EDEM2: variants seen among roughly 807,000 people sequenced by gnomAD.
EDEM2 encodes ER degradation-enhancing alpha-mannosidase-like protein 2.
A neutral mutation model predicts 64.8 loss-of-function variants in EDEM2; 39 were observed. That is an observed-to-expected ratio of 0.60 (90% confidence interval 0.47 to 0.79). The LOEUF (loss-of-function observed/expected upper bound fraction) is 0.79. Ranked by LOEUF, EDEM2 falls within the 30% of genes least tolerant of loss-of-function variation. The pLI, the probability that EDEM2 is intolerant of heterozygous loss-of-function variation, is 0.00. For synonymous variants in EDEM2, 296 were observed against 291.5 expected, an observed-to-expected ratio of 1.02 and a Z score of -0.16; for missense variants, 609 against 731.3, an observed-to-expected ratio of 0.83 and a Z score of 1.93.
intron 4 of EDEM2, among the ~76,000 whole-genome samples, chr20:35,140,887 T>TG (rs370140037): frequency 9.5e-4 from 144 of 151,904 alleles, no homozygotes; most frequent in Middle Eastern, 6.8e-3. Flanking sequence ...GGGAGGCTGA[T>TG]GGGGGGCGGA....
intron 10 of EDEM2, chr20:35,118,393 A>G: frequency 3.0e-6 from 2 of 662,014 alleles, no homozygotes; most frequent in East Asian, 6.8e-5. Context: ...TTCTAGCTCT[A>G]CCTCTACTAG....
chr20:35,145,513 G>A (rs1039328385), intron 2 of EDEM2, among the ~76,000 whole-genome samples: 3 of 152,190 alleles, frequency 2.0e-5, no homozygotes, highest in African/African-American at 4.8e-5. Flanking sequence ...ATGTGCTGAT[G>A]GAAAGACATT....
chr20:35,118,594 T>C lies in EDEM2; in HGVS notation c.1236+4A>G, dbSNP rs2085334698. ...CCAGTTCTTGGGGCCATGCAAACAC[T>C]TACTGTTGCAAATCCGCACTCCACC... On this transcript the variant is annotated splice_donor_region_variant and intron_variant, in intron 10 of 10. Transcript: ENST00000374492. The C allele has an allele frequency of 6.2e-7, 1 of 1,614,032 alleles. No individual in the cohort carries two copies. Among genetic ancestry groups the C allele is most frequent in the Non-Finnish European group, 8.5e-7 (1 of 1,179,910 alleles).
chr20:35,123,972 C>T lies in EDEM2; in HGVS notation c.1032G>A (p.Lys344=). 1 of 1,614,214 alleles carries T rather than the reference C, an allele frequency of 6.2e-7. No individual in the cohort carries two copies. The highest frequency in any genetic ancestry group is 8.5e-7 in the Non-Finnish European group (1 of 1,180,026). Residue 344 remains lysine (K), a synonymous_variant, in exon 9 of 11, where the codon AAG becomes AAA. Coordinates refer to ENST00000374492, the MANE Select transcript of EDEM2 (RefSeq NM_018217.3). Reference sequence around the variant, plus strand: ...AGAATTCCGGGAGCCCCCCAAACTGCTTCCATACAGTGTAGTAGTTGAGGA... The same window carrying T: ...AGAATTCCGGGAGCCCCCCAAACTGTTTCCATACAGTGTAGTAGTTGAGGA... ...RTFLNYYTVW[K]QFGGLPEFYN... is the part of the protein sequence containing the mutation.
At chr20:35,133,173 T>C (rs1185352475) in intron 6 of EDEM2, among the ~76,000 whole-genome samples, 2 of 152,014 alleles carry the variant, frequency 1.3e-5, no homozygotes, top group African/African-American at 4.8e-5. Flanking sequence ...GGAACTGGAA[T>C]GTTTATCCAC....
chr20:35,115,458 C>A lies in EDEM2; in HGVS notation c.1712G>T (p.Gly571Val). 1 of 1,612,998 alleles carries A rather than the reference C, an allele frequency of 6.2e-7. No individual in the cohort carries two copies. The highest frequency in any genetic ancestry group is 8.5e-7 in the Non-Finnish European group (1 of 1,179,844). The change falls in exon 11 of 11, where the codon GGA becomes GTA. Residue 571 changes from glycine (G) to valine (V), a missense_variant. Transcript: ENST00000374492. ...QPFTSKLALL[G>V]QVFLDSS is the part of the protein sequence containing the mutation. ...TTATGAGGAGTCTAGGAAAACCTGT[C>A]CCAGTAATGCCAACTTGGAGGTGAA...
rs1359414091 is a variant in EDEM2, at chr20:35,147,265, C to G, written c.-7G>C. Reference sequence around the variant, plus strand: ...TGAGCAGCCGGAAAGGCATAGAGCTCGTGTCCTCTCAGCGCCCCCGCAGCA... The same window carrying G: ...TGAGCAGCCGGAAAGGCATAGAGCTGGTGTCCTCTCAGCGCCCCCGCAGCA... On this transcript the variant is annotated 5_prime_UTR_variant, in exon 1 of 11. Transcript: ENST00000374492. 2.0e-6 allele frequency: 3 copies of G among 1,537,422 alleles called. No homozygotes were observed. Among genetic ancestry groups the G allele is most frequent in the Non-Finnish European group, 8.8e-7 (1 of 1,138,672 alleles).
chr20:35,127,457 C>A (rs1239441080), intron 7 of EDEM2, among the ~76,000 whole-genome samples: 1 of 152,190 alleles, frequency 6.6e-6, no homozygotes, highest in African/African-American at 2.4e-5. Flanking sequence ...TCCCTCATAT[C>A]TCTCCCCTAG....
chr20:35,138,262 T>C (rs1001314244), intron 4 of EDEM2, among the ~76,000 whole-genome samples: 4 of 152,224 alleles, frequency 2.6e-5, no homozygotes, highest in African/African-American at 7.2e-5. Flanking sequence ...GTTAAGTTTA[T>C]GGGGTTTTCT....
chr20:35,134,423 G>T (rs556448824), intron 6 of EDEM2, among the ~76,000 whole-genome samples: 14 of 152,176 alleles, frequency 9.2e-5, no homozygotes, highest in Admixed American at 6.5e-4. Flanking sequence ...AAGGCCGGAC[G>T]AGCTGATGAT....
intron 9 of EDEM2, among the ~76,000 whole-genome samples, chr20:35,121,389 G>A (rs1335510312): frequency 6.6e-6 from 1 of 152,218 alleles, no homozygotes; most frequent in Non-Finnish European, 1.5e-5. Flanking sequence ...ATGCCACCAC[G>A]GATAAGACAA....
intron 4 of EDEM2, among the ~76,000 whole-genome samples, chr20:35,141,119 CAAAA>C (rs58702725): frequency 1.4e-4 from 4 of 29,386 alleles, no homozygotes; most frequent in South Asian, 1.6e-3. Context: ...GACTCCGCCT[CAAAA>C]AAAAAAAAAA....
intron 8 of EDEM2, among the ~76,000 whole-genome samples, chr20:35,124,336 A>C (rs993874322): frequency 1.3e-5 from 2 of 152,208 alleles, no homozygotes; most frequent in African/African-American, 4.8e-5. Context: ...CCAGTTAAAA[A>C]TTCTAAGAAT....
At chr20:35,120,661 G>A (rs185517182) in intron 9 of EDEM2, among the ~76,000 whole-genome samples, 12 of 140,402 alleles carry the variant, frequency 8.5e-5, no homozygotes, top group African/African-American at 3.0e-4. Context: ...GCAATGGCAT[G>A]ATCTTGGCTC....
intron 10 of EDEM2, among the ~76,000 whole-genome samples, chr20:35,116,853 G>T (rs1296658980): frequency 6.6e-6 from 1 of 151,856 alleles, no homozygotes; most frequent in African/African-American, 2.4e-5. Flanking sequence ...GCAATGGCAT[G>T]GTCTCGGCTC....
chr20:35,116,793 G>GTT (rs879262031), intron 10 of EDEM2, among the ~76,000 whole-genome samples: 4 of 145,612 alleles, frequency 2.7e-5, no homozygotes, highest in African/African-American at 2.5e-5. Flanking sequence ...TGATTACCAA[G>GTT]TTTTTTTTTT....
At chr20:35,126,602 C>A (rs1203183105) in intron 7 of EDEM2, among the ~76,000 whole-genome samples, 1 of 152,114 alleles carries the variant, frequency 6.6e-6, no homozygotes, top group Non-Finnish European at 1.5e-5. Flanking sequence ...CCCTTTTAAG[C>A]CTCAGCCTTA....
At chr20:35,142,094 G>C (rs972330460) in intron 4 of EDEM2, among the ~76,000 whole-genome samples, 1 of 152,128 alleles carries the variant, frequency 6.6e-6, no homozygotes, top group African/African-American at 2.4e-5. Flanking sequence ...GTTCATAGCT[G>C]TATGCCTAGT....
intron 9 of EDEM2, among the ~76,000 whole-genome samples, chr20:35,120,593 CTTTT>C (rs5841194): frequency 1.3e-4 from 12 of 95,072 alleles, no homozygotes; most frequent in Admixed American, 5.1e-4. Context: ...TCGGCTTCTT[CTTTT>C]TTTTTTTTTT....
Sources: allele counts gnomAD v4.1 joint callset (sites outside exome capture counted in the v4.1 genomes callset), GRCh38; gene constraint gnomAD v4.1.1; transcripts MANE v1.5; gene names NCBI Gene and HGNC (gene_info 2026-07-23, HGNC 2026-07-21).